Variants in CHCHD6 observed in about 807,000 individuals in gnomAD.
CHCHD6 encodes coiled-coil-helix-coiled-coil-helix domain containing 6, also known as MICOS complex subunit MIC25.
Under a neutral mutation model 32.3 loss-of-function variants are expected in CHCHD6, and 28 were observed. The observed-to-expected ratio is 0.87, with a 90% CI of 0.64 to 1.19. The LOEUF is 1.19. Ranked by LOEUF, CHCHD6 falls within the 50% of genes most tolerant of loss-of-function variation. CHCHD6 has a pLI of 0.00. For missense variants in CHCHD6, 333 were observed against 307.0 expected, an observed-to-expected ratio of 1.08 and a Z score of -0.63; for synonymous variants, 122 against 117.5, an observed-to-expected ratio of 1.04 and a Z score of -0.25.
intron 4 of CHCHD6, among the ~76,000 whole-genome samples, chr3:126,822,390 T>G (rs573124678): frequency 6.6e-6 from 1 of 152,298 alleles, no homozygotes; most frequent in Non-Finnish European, 1.5e-5. Flanking sequence ...AAGGGTTGAT[T>G]ATATTTATTT....
chr3:126,765,352 C>G (rs1937325181), intron 4 of CHCHD6, among the ~76,000 whole-genome samples: 1 of 152,142 alleles, frequency 6.6e-6, no homozygotes, highest in Admixed American at 6.5e-5. Flanking sequence ...AAAGGCACCT[C>G]ATTACTCACT....
At chr3:126,891,151 A>C (rs897320560) in intron 5 of CHCHD6, among the ~76,000 whole-genome samples, 1 of 152,180 alleles carries the variant, frequency 6.6e-6, no homozygotes, top group African/African-American at 2.4e-5. Flanking sequence ...CATGCTGTGG[A>C]GACGTATCAG....
intron 4 of CHCHD6, among the ~76,000 whole-genome samples, chr3:126,829,701 G>A (rs1375739556): frequency 6.6e-6 from 1 of 152,082 alleles, no homozygotes; most frequent in Non-Finnish European, 1.5e-5. Flanking sequence ...TGACGACAGA[G>A]CAAGAAGGTG....
Position 126,957,559 on chromosome 3 carries a change from C to CT in CHCHD6, c.702+10dup. 6.4e-7 allele frequency: 1 copy of CT among 1,558,374 alleles called. No homozygotes were observed. ...GTGAGCGCCGCCCACAAGGTAAGGC[C>CT]TTGCCTGCCTCCCAGGTTTCCAAGG... is the stretch of plus-strand genomic sequence containing the variant. On this transcript the variant is annotated intron_variant, in intron 7 of 7. Coordinates refer to ENST00000290913, the MANE Select transcript of CHCHD6 (RefSeq NM_032343.3).
chr3:126,858,720 T>C (rs1941751392), intron 5 of CHCHD6, among the ~76,000 whole-genome samples: 1 of 152,246 alleles, frequency 6.6e-6, no homozygotes, highest in Non-Finnish European at 1.5e-5. Context: ...CACATCTGTT[T>C]GCACCCGGCC....
At chr3:126,957,365 C>T in intron 6 of CHCHD6, 51 bp from the exon 7 acceptor site, 8 of 1,590,086 alleles carry the variant, frequency 5.0e-6, no homozygotes, top group Non-Finnish European at 5.1e-6. Context: ...GTTTCTCTCC[C>T]CTGCCTGCTG....
intron 5 of CHCHD6, among the ~76,000 whole-genome samples, chr3:126,902,443 G>A (rs1177366132): frequency 2.0e-5 from 3 of 152,178 alleles, no homozygotes; most frequent in African/African-American, 4.8e-5. Context: ...TAGGCTGGGT[G>A]CGGTGGCTCA....
chr3:126,900,251 G>C (rs1486494343), intron 5 of CHCHD6, among the ~76,000 whole-genome samples: 1 of 152,082 alleles, frequency 6.6e-6, no homozygotes, highest in Non-Finnish European at 1.5e-5. Context: ...TATGTCCTGG[G>C]CAGGTCAGTT....
intron 4 of CHCHD6, among the ~76,000 whole-genome samples, chr3:126,825,638 T>C (rs1012680524): frequency 1.9e-4 from 29 of 152,366 alleles, no homozygotes; most frequent in African/African-American, 6.5e-4. Context: ...CTTTTGTCTT[T>C]GTAAAATATC....
At chr3:126,919,310 C>CTTTTTTTTTTTT (rs869129860) in intron 6 of CHCHD6, among the ~76,000 whole-genome samples, 1 of 29,234 alleles carries the variant, frequency 3.4e-5, no homozygotes, top group South Asian at 1.2e-3. Flanking sequence ...TATTTCTTTT[C>CTTTTTTTTTTTT]TTTTTTCTTT....
chr3:126,805,381 G>C (rs28783829), intron 4 of CHCHD6, among the ~76,000 whole-genome samples: 2 of 150,714 alleles, frequency 1.3e-5, no homozygotes. Flanking sequence ...ATGTGCAAAA[G>C]TCACAAGCAT....
chr3:126,752,353 G>A (rs1391948800), intron 4 of CHCHD6, among the ~76,000 whole-genome samples: 2 of 152,196 alleles, frequency 1.3e-5, no homozygotes, highest in Admixed American at 6.5e-5. Flanking sequence ...GGTCACAGCA[G>A]CCCCTCTTCT....
chr3:126,829,083 G>A (rs182344318), intron 4 of CHCHD6, among the ~76,000 whole-genome samples: 1 of 152,172 alleles, frequency 6.6e-6, no homozygotes, highest in African/African-American at 2.4e-5. Flanking sequence ...CATAGATTTG[G>A]CACCTTCTTT....
intron 5 of CHCHD6, among the ~76,000 whole-genome samples, chr3:126,906,612 C>T (rs771254862): frequency 6.6e-6 from 1 of 152,178 alleles, no homozygotes; most frequent in Non-Finnish European, 1.5e-5. Context: ...CAGTGTCAGC[C>T]GGGGGTCGGG....
At chr3:126,757,441 T>C (rs949380145) in intron 4 of CHCHD6, among the ~76,000 whole-genome samples, 2 of 152,138 alleles carry the variant, frequency 1.3e-5, no homozygotes, top group East Asian at 1.9e-4. Flanking sequence ...GGGAAAATAT[T>C]GCTCTGGAAA....
intron 4 of CHCHD6, among the ~76,000 whole-genome samples, chr3:126,788,275 T>C (rs1938331011): frequency 1.3e-5 from 2 of 152,188 alleles, no homozygotes; most frequent in African/African-American, 4.8e-5. Context: ...GGGATATTGG[T>C]CTAAAATTCT....
intron 6 of CHCHD6, 41 bp downstream of exon 6, chr3:126,914,791 A>C (rs1440479360): frequency 1.7e-6 from 2 of 1,184,748 alleles, no homozygotes; most frequent in Non-Finnish European, 2.5e-6. Context: ...TTGGCCCACA[A>C]TTGTAAAAAT....
chr3:126,760,770 A>G (rs1937131177), intron 4 of CHCHD6, among the ~76,000 whole-genome samples: 1 of 152,220 alleles, frequency 6.6e-6, no homozygotes. Flanking sequence ...CCTTTTGGCT[A>G]TTGTGAGTAA....
intron 4 of CHCHD6, among the ~76,000 whole-genome samples, chr3:126,783,174 C>G (rs1011495316): frequency 6.6e-6 from 1 of 152,146 alleles, no homozygotes; most frequent in African/African-American, 2.4e-5. Flanking sequence ...TAGCATTTGT[C>G]TTTCTGTGAC....
Sources: allele counts gnomAD v4.1 joint callset (sites outside exome capture counted in the v4.1 genomes callset), GRCh38; gene constraint gnomAD v4.1.1; transcripts MANE v1.5; gene names NCBI Gene and HGNC (gene_info 2026-07-23, HGNC 2026-07-21).